Variants in TRIM67 observed in about 807,000 individuals in gnomAD.
TRIM67 encodes tripartite motif containing 67.
Under a neutral mutation model 71.0 loss-of-function variants are expected in TRIM67, and 39 were observed. The ratio of observed to expected loss-of-function variants is 0.55; its 90% CI spans 0.43 to 0.72. The LOEUF is 0.72. TRIM67 is among the 30% of genes least tolerant of loss of function. The pLI is 0.00. For synonymous variants in TRIM67, 481 were observed against 473.9 expected (o/e 1.01, Z -0.19); for missense variants, 973 against 1,079.2 (o/e 0.90, Z 1.38).
rs1683522565 is a variant in TRIM67 at position 231,201,531 on chromosome 1, G to A, written c.1534+14G>A. The A allele has an allele frequency of 6.2e-7, 1 of 1,612,082 alleles. No individual in the cohort carries two copies. The highest frequency in any genetic ancestry group is 1.3e-5 in the African/African-American group (1 of 74,914). On this transcript the variant is annotated intron_variant, in intron 5 of 9. Transcript: ENST00000366653. ...TGAAATGTAGGGGTGAGCCGCGGTT[G>A]GCCCCAGTTCAGTCAGTGCTTCTTT...
Position 231,209,288 on chromosome 1 carries a change from G to C in TRIM67, c.2123+38G>C. The C allele has an allele frequency of 3.3e-6, 5 of 1,501,614 alleles. No individual in the cohort carries two copies. Among genetic ancestry groups the C allele is most frequent in the Non-Finnish European group, 4.5e-6 (5 of 1,121,262 alleles). The allele number at this position is 1,501,614 out of a possible 1,614,324, so 93.0% of individuals were successfully genotyped here. ...CCCATCCTGCCTCCCGTGGACACAG[G>C]TTGTTTGGGAATGAGGGTCCTGAAG... On this transcript the variant is annotated intron_variant, in intron 8 of 9. Transcript: ENST00000366653. The surrounding 1 kb of genome is among the most constrained non-coding windows in gnomAD (Gnocchi z 4.1).
chr1:231,206,717 C>T lies in TRIM67; in HGVS notation c.1746C>T (p.Asn582=), dbSNP rs111432633. The change falls in exon 7 of 10, where the codon AAC becomes AAT. Residue 582 remains asparagine (N), a synonymous_variant. Coordinates refer to ENST00000366653, the MANE Select transcript of TRIM67 (RefSeq NM_001004342.5). ...IDGLHFNSTY[N]ARVKAFNSSG... is the part of the protein sequence containing the mutation. ...GTCTTCACTTCAACAGCACCTACAA[C>T]GCCCGAGTCAAAGCTTTCAACTCTT... 397 of 1,611,660 alleles carry T rather than the reference C, an allele frequency of 2.5e-4. 3 individuals carry two copies. The African/African-American group carries it at 2.5e-3, about 10-fold the overall frequency.
At position 231,215,931 on chromosome 1, in the gene TRIM67, G is replaced by C; in HGVS notation, c.*491G>C. The C allele has an allele frequency of 5.1e-6, 5 of 988,478 alleles. No individual in the cohort carries two copies. Among genetic ancestry groups the C allele is most frequent in the Non-Finnish European group, 6.0e-6 (5 of 832,112 alleles). The allele number at this position is 988,478 out of a possible 1,614,324, so 61.2% of individuals were successfully genotyped here. ...AGATTGCAGATTCTCATCATGCTGA[G>C]AAAGTTATCTTTTAGCTTCTTGGTC... On this transcript the variant is annotated 3_prime_UTR_variant, in exon 10 of 10. Transcript: ENST00000366653.
chr1:231,175,139 C>T (rs1036155408), intron 1 of TRIM67, among the ~76,000 whole-genome samples: 1 of 152,202 alleles, frequency 6.6e-6, no homozygotes, highest in Non-Finnish European at 1.5e-5. Context: ...ATGTGAATGT[C>T]ACCACACACC....
chr1:231,199,675 C>T (rs1683467107), intron 3 of TRIM67, among the ~76,000 whole-genome samples: 1 of 152,180 alleles, frequency 6.6e-6, no homozygotes, highest in African/African-American at 2.4e-5. Context: ...CGGGCTGTCA[C>T]TGTCTGAGGA....
chr1:231,180,068 T>C lies in TRIM67; in HGVS notation c.1044+16055T>C, dbSNP rs182371935. On this transcript the variant is annotated intron_variant, in intron 1 of 9. Coordinates refer to ENST00000366653, the MANE Select transcript of TRIM67 (RefSeq NM_001004342.5). ...AGGGTTATAATGAGAAGTGTTATCA[T>C]TGCAGCAGGACATTGCCCTAATGCT... Among the ~76,000 whole-genome samples, 311 of 152,330 alleles carry C rather than the reference T, an allele frequency of 2.0e-3. 2 individuals are homozygous for C. Among genetic ancestry groups the C allele is most frequent in the African/African-American group, 7.0e-3 (292 of 41,576 alleles).
chr1:231,211,694 C>T (rs1160710106), intron 8 of TRIM67, among the ~76,000 whole-genome samples: 2 of 152,186 alleles, frequency 1.3e-5, no homozygotes, highest in African/African-American at 4.8e-5. Flanking sequence ...GCCCTACCAG[C>T]AGCGTCCAGC....
chr1:231,213,714 G>C, intron 8 of TRIM67, 101 bp from the exon 9 acceptor site: 1 of 1,402,576 alleles, frequency 7.1e-7, no homozygotes, highest in Non-Finnish European at 9.6e-7. Context: ...CTGGGTGACA[G>C]AGTGAGACCG....
Position 231,219,305 on chromosome 1 carries a change from T to C in TRIM67, c.*3865T>C. 1 of 983,196 alleles carries C rather than the reference T, an allele frequency of 1.0e-6. No homozygotes were observed. The highest frequency in any genetic ancestry group is 1.2e-6 in the Non-Finnish European group (1 of 827,744). The allele number at this position is 983,196 out of a possible 1,614,324, so 60.9% of individuals were successfully genotyped here. On this transcript the variant is annotated 3_prime_UTR_variant, in exon 10 of 10. Transcript: ENST00000366653. ...CCAAGTTAGGTGTGACAACCAAAAG[T>C]ATCTGTCGACATTGCTAGGTATCTC...
At chr1:231,167,569 G>A (rs1682509042) in intron 1 of TRIM67, among the ~76,000 whole-genome samples, 3 of 143,118 alleles carry the variant, frequency 2.1e-5, no homozygotes, top group South Asian at 2.1e-4. Flanking sequence ...TGATCCGCCC[G>A]CCTCGGCCTC....
At position 231,163,370 on chromosome 1, in the gene TRIM67, C is replaced by T; in HGVS notation, c.401C>T (p.Pro134Leu). 1 of 1,534,754 alleles carries T rather than the reference C, an allele frequency of 6.5e-7. No individual in the cohort carries two copies. Among genetic ancestry groups the T allele is most frequent in the Non-Finnish European group, 8.8e-7 (1 of 1,141,382 alleles). The change falls in exon 1 of 10, where the codon CCA becomes CTA. Residue 134 changes from proline (P) to leucine (L), a missense_variant. Transcript: ENST00000366653. Reference protein sequence around the residue: ...GVRVLPMVPAPPGSSAAAARG... With the variant: ...GVRVLPMVPALPGSSAAAARG... ...CGCGTGCTGCCCATGGTGCCCGCAC[C>T]ACCCGGCTCCTCGGCTGCGGCGGCT... is the stretch of plus-strand genomic sequence containing the variant.
In TRIM67 at chr1:231,187,459, G is replaced by A. The variant is rs1466472073; in HGVS notation, c.1045-9912G>A. On this transcript the variant is annotated intron_variant, in intron 1 of 9. Transcript: ENST00000366653. Reference sequence around the variant, plus strand: ...TCTACTGTTCTGCCAACAGATGAGGGCATTTTTAACTTATTAGGCATTATT... The same window carrying A: ...TCTACTGTTCTGCCAACAGATGAGGACATTTTTAACTTATTAGGCATTATT... 3.7e-6 allele frequency: 5 copies of A among 1,356,376 alleles called. No homozygotes were observed. The South Asian group carries it at 5.5e-5, about 15-fold the overall frequency. 84.0% of individuals were successfully genotyped at this position (1,356,376 alleles called of 1,614,324 possible).
intron 1 of TRIM67, among the ~76,000 whole-genome samples, chr1:231,172,033 G>A (rs1159718114): frequency 6.6e-6 from 1 of 152,168 alleles, no homozygotes; most frequent in African/African-American, 2.4e-5. Context: ...GCTGTGGTGT[G>A]CTATGATTGC....
rs1684023014 is a variant in TRIM67 at position 231,216,719 on chromosome 1, T to A, written c.*1279T>A. The A allele has an allele frequency of 1.0e-6, 1 of 985,392 alleles. No individual in the cohort carries two copies. Among genetic ancestry groups the A allele is most frequent in the Non-Finnish European group, 1.2e-6 (1 of 829,980 alleles). The allele number at this position is 985,392 out of a possible 1,614,324, so 61.0% of individuals were successfully genotyped here. On this transcript the variant is annotated 3_prime_UTR_variant, in exon 10 of 10. Coordinates refer to ENST00000366653, the MANE Select transcript of TRIM67 (RefSeq NM_001004342.5). ...GAGACTGGGTGTGCCGAGTCTGACC[T>A]GCCAGGGCAGGACTCTGGAAACACC...
chr1:231,204,330 G>T (rs1008580511), intron 6 of TRIM67, among the ~76,000 whole-genome samples: 1 of 152,142 alleles, frequency 6.6e-6, no homozygotes, highest in African/African-American at 2.4e-5. Context: ...ACCTTGTCTT[G>T]TCTCATCCTC....
At chr1:231,206,827 C>T (rs754015863) in intron 7 of TRIM67, 37 bp downstream of exon 7, 1 of 1,538,358 alleles carries the variant, frequency 6.5e-7, no homozygotes, top group Non-Finnish European at 8.8e-7. Context: ...AGAACAGATT[C>T]ATCATTTTAT....
chr1:231,173,307 G>A (rs1682660375), intron 1 of TRIM67, among the ~76,000 whole-genome samples: 1 of 152,248 alleles, frequency 6.6e-6, no homozygotes, highest in Non-Finnish European at 1.5e-5. Context: ...AACAATTTGG[G>A]AGGCTGAGGC....
intron 1 of TRIM67, among the ~76,000 whole-genome samples, chr1:231,190,331 C>G (rs1683198214): frequency 6.6e-6 from 1 of 152,118 alleles, no homozygotes; most frequent in African/African-American, 2.4e-5. Flanking sequence ...TCTGGAGAGC[C>G]CCATTCCAGT....
In TRIM67 at chr1:231,162,600, T is replaced by C; in HGVS notation, c.-370T>C. On this transcript the variant is annotated 5_prime_UTR_variant, in exon 1 of 10. Coordinates refer to ENST00000366653, the MANE Select transcript of TRIM67 (RefSeq NM_001004342.5). Reference sequence around the variant, plus strand: ...CGCACAGCAGCCCGGCCGCTGGTCCTGGGGTGGAGAGGAGGCGCGCGCTGC... The same window carrying C: ...CGCACAGCAGCCCGGCCGCTGGTCCCGGGGTGGAGAGGAGGCGCGCGCTGC... 4.2e-6 allele frequency: 1 copy of C among 239,680 alleles called. No individual in the cohort carries two copies. The highest frequency in any genetic ancestry group is 8.0e-6 in the Non-Finnish European group (1 of 124,374). The allele number at this position is 239,680 out of a possible 1,614,324, so 14.8% of individuals were successfully genotyped here.
Sources: gnomAD v4.1 joint callset for allele counts (sites outside exome capture counted in the v4.1 genomes callset) on GRCh38, gnomAD v4.1.1 for gene constraint, Gnocchi (gnomAD v3.1) non-coding constraint, MANE v1.5 for transcripts, NCBI Gene and HGNC (gene_info 2026-07-23, HGNC 2026-07-21) for gene names.